SLC12A1: variants seen among roughly 807,000 people sequenced by gnomAD.
SLC12A1 encodes the protein Na-K-2Cl cotransporter.
A neutral mutation model predicts 130.4 loss-of-function variants in SLC12A1; 89 were observed. The ratio of observed to expected loss-of-function variants is 0.68; its 90% CI spans 0.58 to 0.81. The LOEUF (loss-of-function observed/expected upper bound fraction) is 0.81, where lower values mean the gene tolerates loss of function less well. Among genes scored for constraint, SLC12A1 ranks in the 40% least tolerant of loss-of-function variants. SLC12A1 has a pLI of 0.00. For synonymous variants in SLC12A1, 499 were observed against 460.0 expected, an observed-to-expected ratio of 1.08 and a Z score of -1.09; for missense variants, 1,310 against 1,336.4, an observed-to-expected ratio of 0.98 and a Z score of 0.31.
In SLC12A1 at chr15:48,267,582, AAGG is replaced by A. The variant is rs2041845861; in HGVS notation, c.2179_2181del (p.Glu727del). ...ACAGGGACCGCGCAAACTGTGTGTT[AAGG>A]AGATGAACAGTGGCATGGCGAAAAA... is the stretch of plus-strand genomic sequence containing the variant. On this transcript the variant is annotated inframe_deletion, in exon 18 of 27. Transcript: ENST00000380993. The A allele has an allele frequency of 4.3e-6, 7 of 1,613,514 alleles. No individual in the cohort carries two copies. The East Asian group carries it at 1.6e-4, about 36-fold the overall frequency.
At chr15:48,240,112 C>CATAT (rs751601018) in intron 9 of SLC12A1, among the ~76,000 whole-genome samples, 1 of 74,392 alleles carries the variant, frequency 1.3e-5, no homozygotes, top group African/African-American at 6.6e-5. Context: ...TATATATATC[C>CATAT]ATATATATAT....
At chr15:48,259,531 A>G (rs772001037) in intron 17 of SLC12A1, among the ~76,000 whole-genome samples, 1 of 152,232 alleles carries the variant, frequency 6.6e-6, no homozygotes, top group African/African-American at 2.4e-5. Flanking sequence ...TAAGAGACCA[A>G]CTAAAAGTGA....
intron 17 of SLC12A1, among the ~76,000 whole-genome samples, chr15:48,264,433 CTA>C (rs1246260315): frequency 1.3e-5 from 2 of 152,160 alleles, no homozygotes; most frequent in African/African-American, 4.8e-5. Flanking sequence ...CCAGGGAAAA[CTA>C]AATTCTCATT....
intron 20 of SLC12A1, among the ~76,000 whole-genome samples, chr15:48,281,925 A>T (rs1467632472): frequency 2.0e-5 from 3 of 152,162 alleles, no homozygotes; most frequent in Non-Finnish European, 2.9e-5. Flanking sequence ...ATGTTTAGAC[A>T]AAGTCTACTC....
At chr15:48,261,632 A>G (rs1566845833) in intron 17 of SLC12A1, among the ~76,000 whole-genome samples, 1 of 152,236 alleles carries the variant, frequency 6.6e-6, no homozygotes, top group East Asian at 1.9e-4. Flanking sequence ...TTGCAAAGAA[A>G]CAGATGGAAG....
intron 2 of SLC12A1, among the ~76,000 whole-genome samples, chr15:48,218,747 G>A (rs1240149229): frequency 6.6e-6 from 1 of 152,154 alleles, no homozygotes. Context: ...CTCAATCTCA[G>A]AGCCTTCCCC....
chr15:48,221,298 T>C (rs2041212609), intron 4 of SLC12A1: 3 of 701,414 alleles, frequency 4.3e-6, no homozygotes, highest in Admixed American at 4.0e-5. Context: ...ATAATATTTG[T>C]ATTGGGGGAC....
rs184503118 is a variant in SLC12A1, at chr15:48,259,140, G to T, written c.2043-60G>T. On this transcript the variant is annotated intron_variant, in intron 16 of 26. Coordinates refer to ENST00000380993, the MANE Select transcript of SLC12A1 (RefSeq NM_000338.3). ...TCTGTACCTGTCATCCCACTGGAATGGTTCTAAGGTTACAGGCTTCTTGCA... is the reference window on the plus strand; with the variant it reads ...TCTGTACCTGTCATCCCACTGGAATTGTTCTAAGGTTACAGGCTTCTTGCA... The T allele has an allele frequency of 2.7e-3, 2,868 of 1,068,572 alleles. 54 individuals are homozygous for T. The highest frequency in any genetic ancestry group is 5.3e-3 in the Middle Eastern group (22 of 4,134). 66.2% of individuals were successfully genotyped at this position (1,068,572 alleles called of 1,614,324 possible). A position where few individuals can be genotyped will look rare whatever the true frequency, so the allele number is the denominator to read the frequency against.
At chr15:48,222,790 G>A in intron 4 of SLC12A1, 1 of 152,120 alleles carries the variant, frequency 6.6e-6, no homozygotes, top group East Asian at 1.9e-4. Context: ...TTCTTGCTTT[G>A]GGGGTAGATT....
chr15:48,223,625 C>T (rs2041244370), intron 4 of SLC12A1: 1 of 152,078 alleles, frequency 6.6e-6, no homozygotes, highest in African/African-American at 2.4e-5. Flanking sequence ...TTATGAAATG[C>T]AAATTATATG....
chr15:48,298,011 C>G (rs956405728), intron 24 of SLC12A1, among the ~76,000 whole-genome samples: 1 of 152,162 alleles, frequency 6.6e-6, no homozygotes, highest in African/African-American at 2.4e-5. Context: ...CAATAGAAGC[C>G]TAATGCATTA....
At chr15:48,246,031 G>A (rs1459060723) in intron 11 of SLC12A1, among the ~76,000 whole-genome samples, 2 of 152,228 alleles carry the variant, frequency 1.3e-5, no homozygotes, top group Non-Finnish European at 2.9e-5. Flanking sequence ...TTGGTGAGCA[G>A]AGGGAGAAGT....
At chr15:48,239,521 A>C (rs1384040080) in intron 9 of SLC12A1, among the ~76,000 whole-genome samples, 1 of 150,452 alleles carries the variant, frequency 6.6e-6, no homozygotes, top group African/African-American at 2.4e-5. Context: ...TCTCAAAATA[A>C]ATAAATAAAT....
intron 2 of SLC12A1, among the ~76,000 whole-genome samples, chr15:48,209,665 G>A (rs1341607966): frequency 4.6e-5 from 7 of 151,880 alleles, no homozygotes; most frequent in African/African-American, 1.7e-4. Flanking sequence ...CTACTCTCAG[G>A]AAAGATGCTA....
At chr15:48,268,319 C>T (rs1218637361) in intron 18 of SLC12A1, among the ~76,000 whole-genome samples, 1 of 152,030 alleles carries the variant, frequency 6.6e-6, no homozygotes, top group Admixed American at 6.6e-5. Flanking sequence ...TAGTTCTGAT[C>T]GTCATAATTT....
At position 48,256,822 on chromosome 15, in the gene SLC12A1, G is replaced by C. The variant is rs1157469095; in HGVS notation, c.2042+912G>C. On this transcript the variant is annotated intron_variant, in intron 16 of 26. Transcript: ENST00000380993. ...CCCAAACCATATCATTCCATCCCTG[G>C]CCCCCCCCCCCAAATTTCTTGTCCT... Among the ~76,000 whole-genome samples, 47 of 120,150 alleles carry C rather than the reference G, an allele frequency of 3.9e-4. 1 individual carries two copies. Among genetic ancestry groups the C allele is most frequent in the African/African-American group, 7.1e-4 (22 of 31,012 alleles). 78.8% of individuals were successfully genotyped at this position (120,150 alleles called of 152,430 possible).
intron 17 of SLC12A1, 41 bp downstream of exon 17, chr15:48,259,352 T>G (rs1171534574): frequency 5.5e-6 from 7 of 1,279,136 alleles, no homozygotes; most frequent in East Asian, 4.6e-5. Flanking sequence ...TTTTCCTCCC[T>G]GCTTATCTTG....
chr15:48,234,622 T>C (rs2041418464), intron 8 of SLC12A1, among the ~76,000 whole-genome samples: 1 of 152,018 alleles, frequency 6.6e-6, no homozygotes, highest in African/African-American at 2.4e-5. Context: ...CGGGCGCCTG[T>C]AATCCCAGCT....
chr15:48,227,142 C>T, intron 5 of SLC12A1: 1 of 1,551,938 alleles, frequency 6.4e-7, no homozygotes, highest in East Asian at 2.4e-5. Flanking sequence ...ATTTCTATGT[C>T]TGCTATTTGC....
Sources: allele counts gnomAD v4.1 joint callset (sites outside exome capture counted in the v4.1 genomes callset), GRCh38; gene constraint gnomAD v4.1.1; transcripts MANE v1.5; gene names NCBI Gene and HGNC (gene_info 2026-07-23, HGNC 2026-07-21).